DES: variants seen among roughly 807,000 people sequenced by gnomAD.
DES encodes the protein cardiomyopathy, dilated 1F (autosomal dominant).
Under a neutral mutation model 55.1 loss-of-function variants are expected in DES, and 34 were observed. The observed-to-expected ratio is 0.62, with a 90% CI of 0.47 to 0.82. The LOEUF (loss-of-function observed/expected upper bound fraction) is 0.82. Ranked by LOEUF, DES falls within the 40% of genes least tolerant of loss-of-function variation. The pLI is 0.00. For missense variants in DES, 596 were observed against 645.9 expected, an observed-to-expected ratio of 0.92 and a Z score of 0.84; for synonymous variants, 259 against 270.8, an observed-to-expected ratio of 0.96 and a Z score of 0.43.
Position 219,418,760 on chromosome 2 carries a change from G to C in DES, c.298G>C (p.Glu100Gln). ...DFSLADAVNQ[E>Q]FLTTRTNEKV... ...CTCACTGGCCGACGCGGTGAACCAG[G>C]AGTTTCTGACCACGCGCACCAACGA... The change falls in exon 1 of 9, where the codon GAG becomes CAG. Residue 100 changes from glutamate (E) to glutamine (Q), a missense_variant. Transcript: ENST00000373960. The C allele has an allele frequency of 6.4e-7, 1 of 1,562,650 alleles. No individual in the cohort carries two copies. The highest frequency in any genetic ancestry group is 8.7e-7 in the Non-Finnish European group (1 of 1,152,874).
At position 219,420,151 on chromosome 2, in the gene DES, G is replaced by C; in HGVS notation, c.635G>C (p.Arg212Pro). 1.2e-6 allele frequency: 2 copies of C among 1,614,222 alleles called. No homozygotes were observed. Among genetic ancestry groups the C allele is most frequent in the South Asian group, 1.1e-5 (1 of 91,082 alleles). Residue 212 changes from arginine (R) to proline (P), a missense_variant, in exon 2 of 9, where the codon CGA becomes CCA. Coordinates refer to ENST00000373960, the MANE Select transcript of DES (RefSeq NM_001927.4). This position sits in a 1 kb window ranked among gnomAD's most constrained non-coding sequence, Gnocchi z 6.0. ...EEAENNLAAF[R>P]ADVDAATLAR... ...GCAGAGAACAATTTGGCTGCCTTCCGAGCGGTGAGTGCCCTTCTTTTCCCC... is the reference window on the plus strand; with the variant it reads ...GCAGAGAACAATTTGGCTGCCTTCCCAGCGGTGAGTGCCCTTCTTTTCCCC...
chr2:219,418,394 CCA>C lies in DES; in HGVS notation c.-67_-66del. ...GGGGCCCTGTCTCCCCTCGCCGCAT[CCA>C]CTCTCCGGCCGGCCGCCTGCCCGCC... On this transcript the variant is annotated 5_prime_UTR_variant, in exon 1 of 9. Coordinates refer to ENST00000373960, the MANE Select transcript of DES (RefSeq NM_001927.4). The C allele has an allele frequency of 6.8e-7, 1 of 1,473,928 alleles. No individual in the cohort carries two copies. The highest frequency in any genetic ancestry group is 9.0e-7 in the Non-Finnish European group (1 of 1,108,720). The allele number at this position is 1,473,928 out of a possible 1,614,324, so 91.3% of individuals were successfully genotyped here. A position where few individuals can be genotyped will look rare whatever the true frequency, so the allele number is the denominator to read the frequency against.
rs1192658711 is a variant in DES, at chr2:219,419,713, T to C, written c.579-382T>C. Among the ~76,000 whole-genome samples, 9 of 152,170 alleles carry C rather than the reference T, an allele frequency of 5.9e-5. No individual in the cohort carries two copies. The highest frequency in any genetic ancestry group is 1.3e-4 in the Non-Finnish European group (9 of 68,020). On this transcript the variant is annotated intron_variant, in intron 1 of 8. Transcript: ENST00000373960. The surrounding 1 kb of genome is among the most constrained non-coding windows in gnomAD (Gnocchi z 4.3). ...GTGTAGCATATTTGTTGGTCCCACT[T>C]CTGACAGGCCAAGTGAGCACAGTCA...
intron 6 of DES, among the ~76,000 whole-genome samples, chr2:219,423,236 T>A (rs1344475745): frequency 6.6e-6 from 1 of 152,100 alleles, no homozygotes; most frequent in Admixed American, 6.6e-5. Context: ...CATCCTAGTG[T>A]CGTGCCAGCA....
At position 219,420,778 on chromosome 2, in the gene DES, A is replaced by G; in HGVS notation, c.898-50A>G. 6.2e-7 allele frequency: 1 copy of G among 1,613,304 alleles called. No individual in the cohort carries two copies. The highest frequency in any genetic ancestry group is 1.1e-5 in the South Asian group (1 of 91,046). The stretch of plus-strand genomic sequence containing the variant: ...GCTTCATGCTCCCTTGCTCATCCCT[A>G]CCCGTGCCCTGCATCCTTCTCATTT... On this transcript the variant is annotated intron_variant, in intron 4 of 8. Transcript: ENST00000373960. The surrounding 1 kb of genome is among the most constrained non-coding windows in gnomAD (Gnocchi z 6.0).
Position 219,418,422 on chromosome 2 carries a change from G to T in DES, c.-41G>T. On this transcript the variant is annotated 5_prime_UTR_variant, in exon 1 of 9. Coordinates refer to ENST00000373960, the MANE Select transcript of DES (RefSeq NM_001927.4). ...CTCTCCGGCCGGCCGCCTGCCCGCC[G>T]CCTCCTCCGTGCGCCCGCCAGCCTC... 6.5e-7 allele frequency: 1 copy of T among 1,539,072 alleles called. No individual in the cohort carries two copies. The highest frequency in any genetic ancestry group is 8.7e-7 in the Non-Finnish European group (1 of 1,152,708).
Position 219,420,482 on chromosome 2 carries a change from T to A in DES, c.736-13T>A. On this transcript the variant is annotated splice_polypyrimidine_tract_variant and intron_variant, in intron 3 of 8. Coordinates refer to ENST00000373960, the MANE Select transcript of DES (RefSeq NM_001927.4). This position sits in a 1 kb window ranked among gnomAD's most constrained non-coding sequence, Gnocchi z 6.0. ...GCCCTGAGAGGGGACTGAAGCCCAGTCATGCCCTACAGGAGATCCGTGAGT... is the reference window on the plus strand; with the variant it reads ...GCCCTGAGAGGGGACTGAAGCCCAGACATGCCCTACAGGAGATCCGTGAGT... 1 of 1,613,850 alleles carries A rather than the reference T, an allele frequency of 6.2e-7. No homozygotes were observed. The highest frequency in any genetic ancestry group is 1.1e-5 in the South Asian group (1 of 91,056).
At position 219,418,924 on chromosome 2, in the gene DES, C is replaced by T. The variant is rs1238712609; in HGVS notation, c.462C>T (p.Leu154=). Residue 154 remains leucine (L), a synonymous_variant, in exon 1 of 9, where the codon CTC becomes CTT. Coordinates refer to ENST00000373960, the MANE Select transcript of DES (RefSeq NM_001927.4). ...KGREPTRVAE[L]YEEELRELRR... is the part of the protein sequence containing the mutation. ...GCGAGCCGACGCGAGTGGCCGAGCT[C>T]TACGAGGAGGAGCTGCGGGAGCTGC... 4.5e-6 allele frequency: 7 copies of T among 1,561,508 alleles called. No individual in the cohort carries two copies. The highest frequency in any genetic ancestry group is 2.7e-5 in the African/African-American group (2 of 73,676).
Position 219,419,036 on chromosome 2 carries a change from G to T in DES, c.574G>T (p.Ala192Ser). The T allele has an allele frequency of 6.5e-7, 1 of 1,540,044 alleles. No homozygotes were observed. Among genetic ancestry groups the T allele is most frequent in the Non-Finnish European group, 8.7e-7 (1 of 1,146,862 alleles). The change falls in exon 1 of 9, where the codon GCC (alanine) becomes TCC (serine). Residue 192 changes from alanine (A) to serine (S), a missense_variant. By Grantham distance (99) the Ala-to-Ser change is moderately conservative (BLOSUM62 1). Coordinates refer to ENST00000373960, the MANE Select transcript of DES (RefSeq NM_001927.4). This position sits in a 1 kb window ranked among gnomAD's most constrained non-coding sequence, Gnocchi z 4.3. Reference protein sequence around the residue: ...NLLDDLQRLKAKLQEEIQLKE... With the variant: ...NLLDDLQRLKSKLQEEIQLKE... The stretch of plus-strand genomic sequence containing the variant: ...GCTCGACGACCTGCAGCGGCTCAAG[G>T]CCAAGTGAGGGCCCGGCACCCCAGA...
Position 219,418,432 on chromosome 2 carries a change from T to A in DES, c.-31T>A, listed in dbSNP as rs770778694. The A allele has an allele frequency of 2.9e-5, 45 of 1,552,238 alleles. No individual in the cohort carries two copies. The highest frequency in any genetic ancestry group is 3.5e-5 in the Non-Finnish European group (41 of 1,159,230). ...GGCCGCCTGCCCGCCGCCTCCTCCG[T>A]GCGCCCGCCAGCCTCGCCCGCGCCG... On this transcript the variant is annotated 5_prime_UTR_variant, in exon 1 of 9. Coordinates refer to ENST00000373960, the MANE Select transcript of DES (RefSeq NM_001927.4).
At position 219,418,722 on chromosome 2, in the gene DES, A is replaced by G; in HGVS notation, c.260A>G (p.Glu87Gly). The G allele has an allele frequency of 6.4e-7, 1 of 1,563,214 alleles. No homozygotes were observed. Among genetic ancestry groups the G allele is most frequent in the Non-Finnish European group, 8.7e-7 (1 of 1,153,480 alleles). The change falls in exon 1 of 9, where the codon GAG (glutamate) becomes GGG (glycine). Residue 87 changes from glutamate to glycine, a missense_variant. Transcript: ENST00000373960. ...TRTPSSYGAGELLDFSLADAV... is the reference protein window; with the variant it reads ...TRTPSSYGAGGLLDFSLADAV... ...ACGCCCTCCTCCTACGGCGCAGGCG[A>G]GCTGCTGGACTTCTCACTGGCCGAC...
rs71040455 is a variant in DES at position 219,422,463 on chromosome 2, C to CTTTTTTTTTTTTTTTTT, written c.1244+906_1244+922dup. 9.7e-5 allele frequency among the ~76,000 whole-genome samples: 10 copies of CTTTTTTTTTTTTTTTTT among 103,496 alleles called. 2 individuals are homozygous for CTTTTTTTTTTTTTTTTT. Among genetic ancestry groups the CTTTTTTTTTTTTTTTTT allele is most frequent in the Admixed American group, 2.5e-4 (2 of 7,988 alleles). 67.9% of individuals were successfully genotyped at this position (103,496 alleles called of 152,430 possible). A position where few individuals can be genotyped will look rare whatever the true frequency, so the allele number is the denominator to read the frequency against. ...GTGGGATAACAGAAATGTTCTATAT[C>CTTTTTTTTTTTTTTTTT]TTTTTTTTTTTTTTTTTTTGAGACA... On this transcript the variant is annotated intron_variant, in intron 6 of 8. Coordinates refer to ENST00000373960, the MANE Select transcript of DES (RefSeq NM_001927.4).
At position 219,419,660 on chromosome 2, in the gene DES, C is replaced by G. The variant is rs921472546; in HGVS notation, c.579-435C>G. ...GGGAGGACCTGACTGTAGACTTCAC[C>G]AGGCTCCAAGAACGAAAAGGGCAGC... On this transcript the variant is annotated intron_variant, in intron 1 of 8. Coordinates refer to ENST00000373960, the MANE Select transcript of DES (RefSeq NM_001927.4). This position sits in a 1 kb window ranked among gnomAD's most constrained non-coding sequence, Gnocchi z 4.3. 1.3e-5 allele frequency among the ~76,000 whole-genome samples: 2 copies of G among 152,176 alleles called. No individual in the cohort carries two copies. The highest frequency in any genetic ancestry group is 1.5e-5 in the Non-Finnish European group (1 of 68,024).
chr2:219,424,840 CAAT>C lies in DES; in HGVS notation c.1289-822_1289-820del, dbSNP rs1377358322. On this transcript the variant is annotated intron_variant, in intron 7 of 8. Coordinates refer to ENST00000373960, the MANE Select transcript of DES (RefSeq NM_001927.4). ...AATGGCAAGTGACTGAGCATCAGCA[CAAT>C]GAGTCAGTGCCTTATTCCTGCTCTG... Among the ~76,000 whole-genome samples the C allele has an allele frequency of 4.6e-5, 7 of 152,348 alleles. No individual in the cohort carries two copies. The South Asian group carries it at 1.2e-3, about 27-fold the overall frequency.
rs1954425222 is a variant in DES, at chr2:219,420,793, C to T, written c.898-35C>T. On this transcript the variant is annotated intron_variant, in intron 4 of 8. Transcript: ENST00000373960. This position sits in a 1 kb window ranked among gnomAD's most constrained non-coding sequence, Gnocchi z 6.0. Reference sequence around the variant, plus strand: ...GCTCATCCCTACCCGTGCCCTGCATCCTTCTCATTTTTGGGCCCCTTTCTC... The same window carrying T: ...GCTCATCCCTACCCGTGCCCTGCATTCTTCTCATTTTTGGGCCCCTTTCTC... 2 of 1,599,584 alleles carry T rather than the reference C, an allele frequency of 1.3e-6. No homozygotes were observed. The highest frequency in any genetic ancestry group is 2.2e-5 in the South Asian group (2 of 90,772).
Position 219,425,681 on chromosome 2 carries a change from G to A in DES, c.1307G>A (p.Arg436Lys). Reference sequence around the variant, plus strand: ...GTTACAGAAACCAGCCCTGAGCAAAGGGGTTCTGAGGTCCATACCAAGAAG... The same window carrying A: ...GTTACAGAAACCAGCCCTGAGCAAAAGGGTTCTGAGGTCCATACCAAGAAG... ...LNFRETSPEQ[R>K]GSEVHTKKTV... Residue 436 changes from arginine (R) to lysine (K), a missense_variant, in exon 8 of 9, where the codon AGG (arginine) becomes AAG (lysine). Arg to Lys is a conservative substitution (Grantham distance 26). Transcript: ENST00000373960. The A allele has an allele frequency of 6.3e-7, 1 of 1,586,350 alleles. No homozygotes were observed. Among genetic ancestry groups the A allele is most frequent in the Non-Finnish European group, 8.6e-7 (1 of 1,166,084 alleles).
chr2:219,418,942 G>T lies in DES; in HGVS notation c.480G>T (p.Arg160=). The T allele has an allele frequency of 6.4e-7, 1 of 1,557,604 alleles. No homozygotes were observed. Among genetic ancestry groups the T allele is most frequent in the Non-Finnish European group, 8.7e-7 (1 of 1,150,658 alleles). The change falls in exon 1 of 9, where the codon CGG becomes CGT. Residue 160 remains arginine (R), a synonymous_variant. Transcript: ENST00000373960. ...RVAELYEEEL[R]ELRRQVEVLT... ...CCGAGCTCTACGAGGAGGAGCTGCG[G>T]GAGCTGCGGCGCCAGGTGGAGGTGC...
At position 219,421,549 on chromosome 2, in the gene DES, AGAG is replaced by A. The variant is rs1954445086; in HGVS notation, c.1237_1239del (p.Glu413del). 1 of 1,613,440 alleles carries A rather than the reference AGAG, an allele frequency of 6.2e-7. No individual in the cohort carries two copies. Among genetic ancestry groups the A allele is most frequent in the Non-Finnish European group, 8.5e-7 (1 of 1,179,754 alleles). ...CCACCTACCGGAAGCTGCTGGAGGGAGAGGAGAGCCGGTGAGGGGCCAGGCAGG... is the reference window on the plus strand; with the variant it reads ...CCACCTACCGGAAGCTGCTGGAGGGAGAGAGCCGGTGAGGGGCCAGGCAGG... On this transcript the variant is annotated inframe_deletion, in exon 6 of 9. Coordinates refer to ENST00000373960, the MANE Select transcript of DES (RefSeq NM_001927.4).
At chr2:219,423,754 A>G in intron 6 of DES, 23 bp from the exon 7 acceptor site, 1 of 1,612,700 alleles carries the variant, frequency 6.2e-7, no homozygotes, top group African/African-American at 1.3e-5. Context: ...AACTCTTAGG[A>G]GGTTTTGTCT....
Sources: allele counts gnomAD v4.1 joint callset (sites outside exome capture counted in the v4.1 genomes callset), GRCh38; gene constraint gnomAD v4.1.1; non-coding constraint Gnocchi (gnomAD v3.1); transcripts MANE v1.5; gene names NCBI Gene and HGNC (gene_info 2026-07-23, HGNC 2026-07-21).